Variants in ATP6V1H observed in about 807,000 individuals in gnomAD.
ATP6V1H encodes V-type proton ATPase subunit H.
ATP6V1H carries 39 observed loss-of-function variants against 71.7 expected under a neutral mutation model. The observed-to-expected ratio is 0.54, with a 90% CI of 0.42 to 0.71. The LOEUF is 0.71. Among genes scored for constraint, ATP6V1H ranks in the 30% least tolerant of loss-of-function variants. The pLI, the probability that ATP6V1H is intolerant of heterozygous loss-of-function variation, is 0.00. For missense variants in ATP6V1H, 509 were observed against 594.9 expected (o/e 0.86, Z 1.50); for synonymous variants, 192 against 199.3 (o/e 0.96, Z 0.31).
intron 13 of ATP6V1H, among the ~76,000 whole-genome samples, chr8:53,734,062 G>C (rs1453076734): frequency 6.6e-6 from 1 of 152,100 alleles, no homozygotes; most frequent in Non-Finnish European, 1.5e-5. Flanking sequence ...CTGACTCTTG[G>C]GCAAAACCTG....
chr8:53,770,393 G>C (rs1026076105), intron 10 of ATP6V1H, among the ~76,000 whole-genome samples: 12 of 152,264 alleles, frequency 7.9e-5, no homozygotes, highest in Admixed American at 5.9e-4. Flanking sequence ...GTAGGAAAAT[G>C]TTTAATGTGG....
intron 13 of ATP6V1H, among the ~76,000 whole-genome samples, chr8:53,732,891 G>GT (rs1807073130): frequency 6.6e-6 from 1 of 152,082 alleles, no homozygotes; most frequent in Non-Finnish European, 1.5e-5. Context: ...CAAAGGGGAG[G>GT]ATCAGAGCCG....
chr8:53,752,965 T>C (rs900263315), intron 12 of ATP6V1H, among the ~76,000 whole-genome samples: 1 of 152,176 alleles, frequency 6.6e-6, no homozygotes, highest in Non-Finnish European at 1.5e-5. Context: ...TTGAGTATTA[T>C]GATTAATCTT....
chr8:53,753,046 AAAC>A (rs1011386921), intron 12 of ATP6V1H, among the ~76,000 whole-genome samples: 38 of 152,052 alleles, frequency 2.5e-4, no homozygotes, highest in Admixed American at 8.5e-4. Flanking sequence ...GGGAAAAAAA[AAAC>A]AACAACCCTA....
At chr8:53,716,101 G>T in intron 13 of ATP6V1H, 77 bp from the exon 14 acceptor site, 1 of 1,159,816 alleles carries the variant, frequency 8.6e-7, no homozygotes, top group Non-Finnish European at 1.3e-6. Context: ...AACACATTAT[G>T]CACTGTCATA....
At chr8:53,754,221 A>T (rs1458639208) in intron 12 of ATP6V1H, among the ~76,000 whole-genome samples, 1 of 152,182 alleles carries the variant, frequency 6.6e-6, no homozygotes, top group African/African-American at 2.4e-5. Context: ...CAAAAGGCTT[A>T]TTGGGAAACA....
At chr8:53,797,449 C>A (rs1161796229) in intron 8 of ATP6V1H, among the ~76,000 whole-genome samples, 1 of 152,206 alleles carries the variant, frequency 6.6e-6, no homozygotes, top group Non-Finnish European at 1.5e-5. Context: ...ACTGGCTCCC[C>A]TCCCCAGAGT....
chr8:53,838,836 T>C (rs987676001), intron 2 of ATP6V1H, among the ~76,000 whole-genome samples: 2 of 152,190 alleles, frequency 1.3e-5, no homozygotes, highest in African/African-American at 4.8e-5. Context: ...TGGGGGACGC[T>C]TCCACAGGTC....
intron 12 of ATP6V1H, among the ~76,000 whole-genome samples, chr8:53,748,385 C>A (rs75756076): frequency 2.0e-5 from 3 of 152,076 alleles, no homozygotes; most frequent in African/African-American, 7.2e-5. Flanking sequence ...AGTCTATATT[C>A]AATAATGTTT....
intron 10 of ATP6V1H, among the ~76,000 whole-genome samples, chr8:53,771,001 T>C (rs959008119): frequency 4.6e-5 from 7 of 152,202 alleles, no homozygotes; most frequent in African/African-American, 1.7e-4. Context: ...ACACCTCCCA[T>C]CTCTGGGAAA....
At chr8:53,761,083 T>C (rs1012735620) in intron 11 of ATP6V1H, among the ~76,000 whole-genome samples, 5 of 152,102 alleles carry the variant, frequency 3.3e-5, no homozygotes, top group Admixed American at 1.3e-4. Flanking sequence ...ACGCCTGTAA[T>C]CCCAGCACTT....
At chr8:53,763,132 G>A (rs1318690738) in intron 11 of ATP6V1H, among the ~76,000 whole-genome samples, 1 of 152,184 alleles carries the variant, frequency 6.6e-6, no homozygotes, top group African/African-American at 2.4e-5. Context: ...AAGTTTTGGG[G>A]AAGCTAAAAG....
chr8:53,744,781 G>A (rs1284123679), intron 12 of ATP6V1H, among the ~76,000 whole-genome samples: 2 of 152,188 alleles, frequency 1.3e-5, no homozygotes, highest in African/African-American at 4.8e-5. Flanking sequence ...AGTGCTTACT[G>A]CAGGCCAGGC....
chr8:53,782,313 G>A (rs1466205138), intron 9 of ATP6V1H, among the ~76,000 whole-genome samples: 4 of 151,252 alleles, frequency 2.6e-5, no homozygotes, highest in Non-Finnish European at 5.9e-5. Context: ...ATTGTGAATG[G>A]GAGTTCACTC....
chr8:53,826,456 T>G (rs1053364102), intron 4 of ATP6V1H, among the ~76,000 whole-genome samples: 4 of 152,174 alleles, frequency 2.6e-5, no homozygotes, highest in East Asian at 1.9e-4. Context: ...TGGGGTACCA[T>G]GTAGCTGTCA....
rs550916276 is a variant in ATP6V1H, at chr8:53,775,174, T to C, written c.871-3007A>G. Among the ~76,000 whole-genome samples the C allele has an allele frequency of 1.8e-4, 28 of 152,146 alleles. 1 individual carries two copies. The East Asian group carries it at 5.2e-3, about 28-fold the overall frequency. Reference sequence around the variant, plus strand: ...ACCTTCGCGGTGAGTGTTACGGCTCTTAAGGCGGCGCATGTGGAGTTGTTC... The same window carrying C: ...ACCTTCGCGGTGAGTGTTACGGCTCCTAAGGCGGCGCATGTGGAGTTGTTC... On this transcript the variant is annotated intron_variant, in intron 9 of 13. Transcript: ENST00000359530.
At chr8:53,772,276 T>C (rs1350038554) in intron 9 of ATP6V1H, 109 bp from the exon 10 acceptor site, 11 of 853,338 alleles carry the variant, frequency 1.3e-5, no homozygotes, top group South Asian at 1.8e-5. Flanking sequence ...TTCTCAAGTT[T>C]AACTATCACC....
Position 53,740,366 on chromosome 8 carries a change from A to G in ATP6V1H, c.1391+3211T>C, listed in dbSNP as rs575784320. On this transcript the variant is annotated intron_variant, in intron 13 of 13. Coordinates refer to ENST00000359530, the MANE Select transcript of ATP6V1H (RefSeq NM_015941.4). ...AAACAAAAACTTCAGGAATAATGCAATATCAAAAACCTAAAAATCCTTTAG... is the reference window on the plus strand; with the variant it reads ...AAACAAAAACTTCAGGAATAATGCAGTATCAAAAACCTAAAAATCCTTTAG... 1.1e-4 allele frequency among the ~76,000 whole-genome samples: 17 copies of G among 152,348 alleles called. 1 individual carries two copies. In the South Asian group the frequency reaches 3.1e-3, roughly 28 times the overall value.
chr8:53,719,955 A>G (rs909627171), intron 13 of ATP6V1H, among the ~76,000 whole-genome samples: 1 of 152,190 alleles, frequency 6.6e-6, no homozygotes. Context: ...AAATTACACT[A>G]CTGTCAGGCA....
Sources: gnomAD v4.1 joint callset for allele counts (sites outside exome capture counted in the v4.1 genomes callset) on GRCh38, gnomAD v4.1.1 for gene constraint, MANE v1.5 for transcripts, NCBI Gene and HGNC (gene_info 2026-07-23, HGNC 2026-07-21) for gene names.